Variants in PRDM2 observed in about 807,000 individuals in gnomAD.
PRDM2 encodes PR domain zinc finger protein 2.
A neutral mutation model predicts 130.0 loss-of-function variants in PRDM2; 30 were observed. The observed-to-expected ratio is 0.23, with a 90% CI of 0.17 to 0.31. The LOEUF (loss-of-function observed/expected upper bound fraction) is 0.31. Ranked by LOEUF, PRDM2 falls within the 10% of genes least tolerant of loss-of-function variation. PRDM2 has a pLI of 1.00. For missense variants in PRDM2, 2,011 were observed against 2,108.4 expected (o/e 0.95, Z 0.90); for synonymous variants, 871 against 782.4 (o/e 1.11, Z -1.89).
chr1:13,717,937 A>T (rs1041450476), intron 2 of PRDM2, among the ~76,000 whole-genome samples: 1 of 152,202 alleles, frequency 6.6e-6, no homozygotes, highest in South Asian at 2.1e-4. Flanking sequence ...TATTTTCATT[A>T]CTAGAAGAAT....
intron 7 of PRDM2, among the ~76,000 whole-genome samples, chr1:13,774,967 CAAAAAA>C (rs35869788): frequency 2.0e-5 from 2 of 99,476 alleles, no homozygotes; most frequent in African/African-American, 8.8e-5. Flanking sequence ...GACTCCGTCT[CAAAAAA>C]AAAAAAAAAA....
intron 1 of PRDM2, among the ~76,000 whole-genome samples, chr1:13,700,788 G>GT (rs887792972): frequency 3.3e-5 from 5 of 152,132 alleles, no homozygotes; most frequent in African/African-American, 7.2e-5. Flanking sequence ...GCGTCTTTGT[G>GT]TTTCCCAAAT....
intron 3 of PRDM2, among the ~76,000 whole-genome samples, chr1:13,731,382 C>T (rs1323354729): frequency 6.6e-6 from 1 of 152,088 alleles, no homozygotes; most frequent in Non-Finnish European, 1.5e-5. Flanking sequence ...GCCTGAGTGT[C>T]CTCCTCCTCT....
At chr1:13,717,573 A>C (rs994218459) in intron 2 of PRDM2, 2 of 426,348 alleles carry the variant, frequency 4.7e-6, no homozygotes, top group African/African-American at 4.3e-5. Flanking sequence ...TAATATTTCT[A>C]GTGAATTAGA....
chr1:13,740,076 G>A (rs1569817538), intron 4 of PRDM2, among the ~76,000 whole-genome samples: 2 of 152,294 alleles, frequency 1.3e-5, no homozygotes, highest in East Asian at 3.9e-4. Flanking sequence ...CAGTCAGTAT[G>A]ACTTAGAAGA....
At chr1:13,820,376 CTT>C (rs1170064066) in intron 9 of PRDM2, among the ~76,000 whole-genome samples, 1 of 152,208 alleles carries the variant, frequency 6.6e-6, no homozygotes, top group African/African-American at 2.4e-5. Flanking sequence ...GTGGCACCCT[CTT>C]TACTGTGACT....
In PRDM2 at chr1:13,823,358, C is replaced by T. The variant is rs1054076340; in HGVS notation, c.*223C>T. 42 of 711,352 alleles carry T rather than the reference C, an allele frequency of 5.9e-5. No homozygotes were observed. The highest frequency in any genetic ancestry group is 9.0e-5 in the Non-Finnish European group (37 of 410,774). 44.1% of individuals were successfully genotyped at this position (711,352 alleles called of 1,614,324 possible). On this transcript the variant is annotated 3_prime_UTR_variant, in exon 10 of 10. Transcript: ENST00000311066. The stretch of plus-strand genomic sequence containing the variant: ...CAAACGAGGGTCCCGATCCCCGGGG[C>T]GGCAGGAAGGGGGCCGACTCCACGC...
In PRDM2 at chr1:13,803,058, A is replaced by G. The variant is rs1645033264; in HGVS notation, c.5037-13369A>G. Among the ~76,000 whole-genome samples the G allele has an allele frequency of 6.6e-6, 1 of 152,188 alleles. No homozygotes were observed. The highest frequency in any genetic ancestry group is 2.4e-5 in the African/African-American group (1 of 41,446). The stretch of plus-strand genomic sequence containing the variant: ...TGACGGTGTTTCCAGCCGAGGTGAC[A>G]TTCTCCAGACTTGAACCCCTGTGCT... On this transcript the variant is annotated intron_variant, in intron 8 of 9. Transcript: ENST00000311066. This position sits in a 1 kb window ranked among gnomAD's most constrained non-coding sequence, Gnocchi z 6.2.
chr1:13,802,462 G>C (rs1403310681), intron 8 of PRDM2, among the ~76,000 whole-genome samples: 2 of 152,184 alleles, frequency 1.3e-5, no homozygotes, highest in Non-Finnish European at 2.9e-5. Context: ...TCCAGTGTGG[G>C]CATCAGGCAT....
In PRDM2 at chr1:13,780,724, C is replaced by G; in HGVS notation, c.2929C>G (p.Pro977Ala). 1 of 1,586,916 alleles carries G rather than the reference C, an allele frequency of 6.3e-7. No individual in the cohort carries two copies. The highest frequency in any genetic ancestry group is 1.1e-5 in the South Asian group (1 of 88,318). The change falls in exon 8 of 10, where the codon CCC (proline) becomes GCC (alanine). Residue 977 changes from proline (P) to alanine (A), a missense_variant. Around this residue, in one of 5 missense-constraint regions of PRDM2, gnomAD observed 1,288 missense variants for 1,237.7 expected, o/e 1.04. Coordinates refer to ENST00000311066, the MANE Select transcript of PRDM2 (RefSeq NM_001393986.1). ...AGATCCCTCTTCCCCTCCACCCTGTCCCCCGGTATTAACTGTTGCCACTCC... is the reference window on the plus strand; with the variant it reads ...AGATCCCTCTTCCCCTCCACCCTGTGCCCCGGTATTAACTGTTGCCACTCC... ...PTDPSSPPPC[P>A]PVLTVATPPP...
chr1:13,757,447 A>G (rs1164047980), intron 6 of PRDM2, among the ~76,000 whole-genome samples: 2 of 152,230 alleles, frequency 1.3e-5, no homozygotes, highest in African/African-American at 2.4e-5. Flanking sequence ...TTAGGATTAT[A>G]GAGCTCTTTC....
intron 8 of PRDM2, among the ~76,000 whole-genome samples, chr1:13,797,932 CCTTTG>C (rs1410633298): frequency 4.6e-5 from 7 of 152,078 alleles, no homozygotes; most frequent in Non-Finnish European, 8.8e-5. Flanking sequence ...AAATTCTTTT[CCTTTG>C]CTTGTTTACC....
intron 7 of PRDM2, among the ~76,000 whole-genome samples, chr1:13,776,889 A>C (rs140228790): frequency 1.3e-5 from 2 of 152,264 alleles, no homozygotes; most frequent in African/African-American, 2.4e-5. Context: ...AGGTGACCTC[A>C]TCCAGTCCAG....
At chr1:13,713,951 C>T (rs1017380985) in intron 1 of PRDM2, among the ~76,000 whole-genome samples, 1 of 152,142 alleles carries the variant, frequency 6.6e-6, no homozygotes, top group Non-Finnish European at 1.5e-5. Flanking sequence ...TCACTGCAAG[C>T]TCCGCCTCCC....
chr1:13,761,953 TG>T (rs1329998784), intron 6 of PRDM2, among the ~76,000 whole-genome samples: 2 of 152,130 alleles, frequency 1.3e-5, no homozygotes, highest in Non-Finnish European at 2.9e-5. Flanking sequence ...GGAGAACAAA[TG>T]AACAAAACAA....
intron 9 of PRDM2, among the ~76,000 whole-genome samples, chr1:13,818,723 C>T (rs543564170): frequency 7.9e-5 from 12 of 152,118 alleles, no homozygotes; most frequent in Admixed American, 7.9e-4. Flanking sequence ...GAGTTTCTGG[C>T]TTGGCTTTAT....
chr1:13,769,711 C>CAAATTTAGTTTGGTGGT (rs1644315323), intron 6 of PRDM2, among the ~76,000 whole-genome samples: 1 of 152,128 alleles, frequency 6.6e-6, no homozygotes, highest in African/African-American at 2.4e-5. Context: ...TGGTATTCAC[C>CAAATTTAGTTTGGTGGT]AAATTTAGTT....
intron 2 of PRDM2, chr1:13,722,715 G>A (rs1485605403): frequency 2.5e-6 from 1 of 401,292 alleles, no homozygotes; most frequent in Non-Finnish European, 5.0e-6. Flanking sequence ...TTCTGTATTA[G>A]AATCTTCTGG....
At chr1:13,745,432 T>G (rs983838181) in intron 5 of PRDM2, among the ~76,000 whole-genome samples, 2 of 151,660 alleles carry the variant, frequency 1.3e-5, no homozygotes, top group African/African-American at 4.8e-5. Flanking sequence ...ATGGTTTTTT[T>G]TTTTTTTTTT....
Sources: gnomAD v4.1 joint callset for allele counts (sites outside exome capture counted in the v4.1 genomes callset) on GRCh38, gnomAD v4.1.1 for gene constraint, gnomAD v4.1.1 regional missense constraint, Gnocchi (gnomAD v3.1) non-coding constraint, MANE v1.5 for transcripts, NCBI Gene and HGNC (gene_info 2026-07-23, HGNC 2026-07-21) for gene names.